Variants in MAGI1 observed in about 807,000 individuals in gnomAD.
The protein encoded by MAGI1 is membrane associated guanylate kinase, WW and PDZ domain containing 1, also known as membrane-associated guanylate kinase, WW and PDZ domain-containing protein 1.
In MAGI1, 58 loss-of-function variants were observed where a neutral mutation model predicts 139.9. The ratio of observed to expected loss-of-function variants is 0.41; its 90% confidence interval spans 0.34 to 0.52. The LOEUF (loss-of-function observed/expected upper bound fraction) is 0.52. Ranked by LOEUF, MAGI1 falls within the 20% of genes least tolerant of loss-of-function variation. MAGI1 has a pLI of 0.12. For missense variants in MAGI1, 1,874 were observed against 1,901.6 expected, an observed-to-expected ratio of 0.99 and a Z score of 0.27; for synonymous variants, 812 against 737.9, an observed-to-expected ratio of 1.10 and a Z score of -1.63.
intron 14 of MAGI1, among the ~76,000 whole-genome samples, chr3:65,389,354 C>A (rs1943710496): frequency 6.6e-6 from 1 of 152,156 alleles, no homozygotes; most frequent in African/African-American, 2.4e-5. Context: ...TTACAATTGT[C>A]CTGTCAACCC....
chr3:65,511,813 C>A (rs1437388721), intron 2 of MAGI1, among the ~76,000 whole-genome samples: 2 of 137,256 alleles, frequency 1.5e-5, no homozygotes, highest in African/African-American at 5.4e-5. Flanking sequence ...ACCTAATAGA[C>A]ATCTACAGAA....
At chr3:65,660,025 C>G (rs1259028797) in intron 1 of MAGI1, among the ~76,000 whole-genome samples, 1 of 152,108 alleles carries the variant, frequency 6.6e-6, no homozygotes, top group Non-Finnish European at 1.5e-5. Context: ...ATTTAATCTA[C>G]CTGGTATTTA....
At chr3:65,699,768 C>A (rs2089470339) in intron 1 of MAGI1, among the ~76,000 whole-genome samples, 1 of 148,000 alleles carries the variant, frequency 6.8e-6, no homozygotes, top group Non-Finnish European at 1.5e-5. Flanking sequence ...GGGAGATATA[C>A]CTAATGCTAG....
chr3:65,551,676 A>G (rs2079841032), intron 2 of MAGI1, among the ~76,000 whole-genome samples: 1 of 152,252 alleles, frequency 6.6e-6, no homozygotes, highest in South Asian at 2.1e-4. Context: ...CCAAGAAGAA[A>G]GCCAAAAGCA....
chr3:65,767,301 T>G (rs529722572), intron 1 of MAGI1, among the ~76,000 whole-genome samples: 1 of 148,182 alleles, frequency 6.7e-6, no homozygotes, highest in East Asian at 2.0e-4. Context: ...CACAGTTTAG[T>G]TTTTTTTTTA....
At chr3:65,390,936 C>A (rs951610298) in intron 14 of MAGI1, among the ~76,000 whole-genome samples, 1 of 152,200 alleles carries the variant, frequency 6.6e-6, no homozygotes, top group Non-Finnish European at 1.5e-5. Flanking sequence ...TAACCATCCA[C>A]TTCTACCCCC....
intron 7 of MAGI1, among the ~76,000 whole-genome samples, chr3:65,443,452 C>T (rs1398121705): frequency 1.3e-5 from 2 of 152,234 alleles, no homozygotes; most frequent in East Asian, 3.8e-4. Context: ...TAAGAGCTCA[C>T]TATCTAAGGC....
At chr3:65,766,507 G>A (rs142855543) in intron 1 of MAGI1, among the ~76,000 whole-genome samples, 4,350 of 152,176 alleles carry the variant, frequency 0.029, 80 homozygotes, top group African/African-American at 0.038. Context: ...CAGGTGATCC[G>A]CTTGCTTAGG....
At chr3:65,360,348 C>CTTT (rs1387575406) in intron 22 of MAGI1, 1 of 952,696 alleles carries the variant, frequency 1.0e-6, no homozygotes, top group African/African-American at 1.8e-5. Flanking sequence ...GGCATAGCTT[C>CTTT]TTCTTTTTTT....
chr3:65,363,243 T>C (rs1290595107), intron 21 of MAGI1, among the ~76,000 whole-genome samples: 1 of 152,198 alleles, frequency 6.6e-6, no homozygotes, highest in Non-Finnish European at 1.5e-5. Context: ...TTATTCCCTA[T>C]ATCAACCCCA....
intron 12 of MAGI1, among the ~76,000 whole-genome samples, chr3:65,406,463 C>CA (rs1945347824): frequency 1.3e-5 from 2 of 152,102 alleles, no homozygotes; most frequent in Non-Finnish European, 2.9e-5. Flanking sequence ...CTGTCACATA[C>CA]AAAATGGATC....
intron 1 of MAGI1, among the ~76,000 whole-genome samples, chr3:65,890,989 G>T (rs1402802440): frequency 6.6e-6 from 1 of 152,132 alleles, no homozygotes; most frequent in South Asian, 2.1e-4. Context: ...CAGGCAGGAG[G>T]ATTGCTTGAG....
At chr3:65,559,472 C>T (rs2080236773) in intron 2 of MAGI1, among the ~76,000 whole-genome samples, 1 of 152,162 alleles carries the variant, frequency 6.6e-6, no homozygotes, top group Non-Finnish European at 1.5e-5. Flanking sequence ...TATTTATCTA[C>T]ATATTACTTT....
intron 2 of MAGI1, among the ~76,000 whole-genome samples, chr3:65,541,011 C>T (rs917680162): frequency 1.3e-5 from 2 of 151,998 alleles, no homozygotes; most frequent in Non-Finnish European, 2.9e-5. Flanking sequence ...TCAGGCAAGA[C>T]ATAAAAAAGT....
At chr3:65,545,999 C>A (rs975897132) in intron 2 of MAGI1, among the ~76,000 whole-genome samples, 2 of 144,632 alleles carry the variant, frequency 1.4e-5, no homozygotes, top group Non-Finnish European at 3.0e-5. Context: ...CACACGCACA[C>A]ACACACACAC....
chr3:65,392,346 A>C (rs1297587060), intron 13 of MAGI1, among the ~76,000 whole-genome samples: 1 of 152,188 alleles, frequency 6.6e-6, no homozygotes, highest in Admixed American at 6.5e-5. Context: ...TCAGGTGTTT[A>C]GCATTCCCTA....
intron 1 of MAGI1, among the ~76,000 whole-genome samples, chr3:65,876,590 A>T (rs1247062734): frequency 6.6e-6 from 1 of 152,188 alleles, no homozygotes; most frequent in Non-Finnish European, 1.5e-5. Context: ...CTAAATATAG[A>T]GGGAAATGCC....
chr3:65,453,035 G>A (rs1372370599), intron 6 of MAGI1: 1 of 510,440 alleles, frequency 2.0e-6, no homozygotes, highest in East Asian at 3.1e-5. Flanking sequence ...GCTTCTAATG[G>A]AGATATTAGT....
chr3:65,936,753 A>G (rs1221373657), intron 1 of MAGI1, among the ~76,000 whole-genome samples: 1 of 152,032 alleles, frequency 6.6e-6, no homozygotes, highest in African/African-American at 2.4e-5. Context: ...GTGTGTGTAG[A>G]CAGGGTCTCA....
Sources: allele counts gnomAD v4.1 joint callset (sites outside exome capture counted in the v4.1 genomes callset), GRCh38; gene constraint gnomAD v4.1.1; transcripts MANE v1.5; gene names NCBI Gene and HGNC (gene_info 2026-07-23, HGNC 2026-07-21).